Variants in TRMT61A observed in about 807,000 individuals in gnomAD.
The protein encoded by TRMT61A is tRNA methyltransferase 61A.
TRMT61A carries 15 observed loss-of-function variants against 21.3 expected under a neutral mutation model. That is an observed-to-expected ratio of 0.70 (90% CI 0.47 to 1.08). The LOEUF (loss-of-function observed/expected upper bound fraction) is 1.08. Among genes scored for constraint, TRMT61A ranks in the 50% least tolerant of loss-of-function variants. The pLI is 0.00. For missense variants in TRMT61A, 352 were observed against 426.7 expected (o/e 0.83, Z 1.54); for synonymous variants, 183 against 185.5 (o/e 0.99, Z 0.11).
chr14:103,529,643 G>A (rs997814696), intron 1 of TRMT61A, among the ~76,000 whole-genome samples: 1 of 152,258 alleles, frequency 6.6e-6, no homozygotes, highest in African/African-American at 2.4e-5. Flanking sequence ...AAGGGTGATG[G>A]GAGGGTCGGG....
chr14:103,532,054 G>A (rs1489660999), intron 2 of TRMT61A, among the ~76,000 whole-genome samples: 2 of 151,770 alleles, frequency 1.3e-5, no homozygotes, highest in Admixed American at 6.6e-5. Context: ...TGTGGTGGGG[G>A]CAGGTTTGGG....
chr14:103,529,340 C>T, intron 1 of TRMT61A, 79 bp downstream of exon 1: 1 of 197,116 alleles, frequency 5.1e-6, no homozygotes, highest in Non-Finnish European at 1.1e-5. Flanking sequence ...GGGCCTGTCC[C>T]TCCAGCCTCG....
Position 103,536,124 on chromosome 14 carries a change from C to T in TRMT61A, c.*1303C>T, listed in dbSNP as rs1368249439. On this transcript the variant is annotated 3_prime_UTR_variant, in exon 4 of 4. Transcript: ENST00000389749. ...GCCCTACCTGCGCTCTGCCCCTGGT[C>T]CCTGCTCCTCCCTGTCCTGGTTTGG... is the stretch of plus-strand genomic sequence containing the variant. The T allele has an allele frequency of 6.5e-6, 1 of 152,872 alleles. No individual in the cohort carries two copies. The highest frequency in any genetic ancestry group is 1.5e-5 in the Non-Finnish European group (1 of 68,458). The allele number at this position is 152,872 out of a possible 1,614,324, so 9.5% of individuals were successfully genotyped here. A position where few individuals can be genotyped will look rare whatever the true frequency, so the allele number is the denominator to read the frequency against.
intron 3 of TRMT61A, 103 bp downstream of exon 3, chr14:103,532,951 C>A: frequency 1.4e-6 from 2 of 1,413,100 alleles, no homozygotes; most frequent in Admixed American, 2.4e-5. Context: ...CCAAGCCACA[C>A]CATGGCAGTG....
rs2075957641 is a variant in TRMT61A, at chr14:103,532,439, C to T, written c.332-143C>T. ...CTTTAGGCAGCCAGGACCATACAGCCCTGGAATGACGCCCACCTGTAGCTT... is the reference window on the plus strand; with the variant it reads ...CTTTAGGCAGCCAGGACCATACAGCTCTGGAATGACGCCCACCTGTAGCTT... On this transcript the variant is annotated intron_variant, in intron 2 of 3. Coordinates refer to ENST00000389749, the MANE Select transcript of TRMT61A (RefSeq NM_152307.3). 6.8e-6 allele frequency: 7 copies of T among 1,035,204 alleles called. No individual in the cohort carries two copies. The Admixed American group carries it at 1.4e-4, about 21-fold the overall frequency. The allele number at this position is 1,035,204 out of a possible 1,614,324, so 64.1% of individuals were successfully genotyped here. A position where few individuals can be genotyped will look rare whatever the true frequency, so the allele number is the denominator to read the frequency against.
In TRMT61A at chr14:103,531,379, G is replaced by A. The variant is rs1260212351; in HGVS notation, c.331+1070G>A. Among the ~76,000 whole-genome samples, 2 of 152,190 alleles carry A rather than the reference G, an allele frequency of 1.3e-5. No individual in the cohort carries two copies. Among genetic ancestry groups the A allele is most frequent in the Admixed American group, 6.5e-5 (1 of 15,282 alleles). The stretch of plus-strand genomic sequence containing the variant: ...ACATTTGAGTTGAAAATGATGAGGA[G>A]GGACCTACGAAGAGCCAAGGGACAG... On this transcript the variant is annotated intron_variant, in intron 2 of 3. Coordinates refer to ENST00000389749, the MANE Select transcript of TRMT61A (RefSeq NM_152307.3). The surrounding 1 kb of genome is among the most constrained non-coding windows in gnomAD (Gnocchi z 5.1).
intron 3 of TRMT61A, among the ~76,000 whole-genome samples, 162 bp downstream of exon 3, chr14:103,533,010 G>C (rs911555): frequency 0.41 from 62,895 of 152,164 alleles, 13,306 homozygotes; most frequent in East Asian, 0.52. Context: ...GGGTCAGGCT[G>C]GCCAGGGGAG....
rs547612572 is a variant in TRMT61A, at chr14:103,531,564, G to T, written c.332-1018G>T. ...TGACTTGCCCCTTAGTGGGAAGGGG[G>T]CATGGCCAGGCTTTGCAGAGGGGCG... On this transcript the variant is annotated intron_variant, in intron 2 of 3. Transcript: ENST00000389749. This position sits in a 1 kb window ranked among gnomAD's most constrained non-coding sequence, Gnocchi z 5.1. Among the ~76,000 whole-genome samples the T allele has an allele frequency of 6.6e-6, 1 of 152,280 alleles. No homozygotes were observed. Among genetic ancestry groups the T allele is most frequent in the East Asian group, 1.9e-4 (1 of 5,164 alleles).
chr14:103,529,685 C>G (rs567764736), intron 1 of TRMT61A, among the ~76,000 whole-genome samples: 1 of 152,274 alleles, frequency 6.6e-6, no homozygotes, highest in Non-Finnish European at 1.5e-5. Flanking sequence ...GGACCGAACT[C>G]CGCCATTGCC....
chr14:103,532,935 C>A, intron 3 of TRMT61A, 87 bp downstream of exon 3: 1 of 1,457,472 alleles, frequency 6.9e-7, no homozygotes, highest in Non-Finnish European at 9.1e-7. Flanking sequence ...CAGAGGGGTC[C>A]AGAGACCAAG....
In TRMT61A at chr14:103,530,055, TGGCG is replaced by T. The variant is rs749324654; in HGVS notation, c.79_82del (p.Ala27CysfsTer31). 2 of 1,613,064 alleles carry T rather than the reference TGGCG, an allele frequency of 1.2e-6. No homozygotes were observed. The highest frequency in any genetic ancestry group is 4.5e-5 in the East Asian group (2 of 44,884). ...CTGTCACTGGGCCATGGTGCAATGG[TGGCG>T]GTGCGTGTGCAGCGTGGGGCACAGA... On this transcript the variant is annotated frameshift_variant, in exon 2 of 4. Transcript: ENST00000389749. LOFTEE classifies it high-confidence loss of function.
chr14:103,529,538 A>C (rs1215934418), intron 1 of TRMT61A, among the ~76,000 whole-genome samples: 4 of 152,142 alleles, frequency 2.6e-5, no homozygotes, highest in Admixed American at 2.6e-4. Flanking sequence ...CTTGGAGGTG[A>C]CCTCATTGAC....
In TRMT61A at chr14:103,530,154, C is replaced by T. The variant is rs1240239856; in HGVS notation, c.176C>T (p.Thr59Met). The T allele has an allele frequency of 1.2e-6, 2 of 1,612,662 alleles. No homozygotes were observed. Among genetic ancestry groups the T allele is most frequent in the Non-Finnish European group, 1.7e-6 (2 of 1,179,996 alleles). The change falls in exon 2 of 4, where the codon ACG becomes ATG. Residue 59 changes from threonine to methionine, a missense_variant. Transcript: ENST00000389749. Reference sequence around the variant, plus strand: ...GGCCGCCCCTTCGGCTCCAAGGTGACGTGCGGCCGAGGTGGCTGGGTGTAT... The same window carrying T: ...GGCCGCCCCTTCGGCTCCAAGGTGATGTGCGGCCGAGGTGGCTGGGTGTAT... Reference protein sequence around the residue: ...LIGRPFGSKVTCGRGGWVYVL... With the variant: ...LIGRPFGSKVMCGRGGWVYVL...
chr14:103,535,050 T>C lies in TRMT61A; in HGVS notation c.*229T>C, dbSNP rs1249434442. On this transcript the variant is annotated 3_prime_UTR_variant, in exon 4 of 4. Transcript: ENST00000389749. Reference sequence around the variant, plus strand: ...GTCCAGCCCTGTGGCCCATCCCAGCTGCTGTTTGTTGCCAATATGAAGTAT... The same window carrying C: ...GTCCAGCCCTGTGGCCCATCCCAGCCGCTGTTTGTTGCCAATATGAAGTAT... The C allele has an allele frequency of 1.4e-6, 1 of 708,488 alleles. No individual in the cohort carries two copies. Among genetic ancestry groups the C allele is most frequent in the African/African-American group, 1.7e-5 (1 of 57,382 alleles). The allele number at this position is 708,488 out of a possible 1,614,324, so 43.9% of individuals were successfully genotyped here. A position where few individuals can be genotyped will look rare whatever the true frequency, so the allele number is the denominator to read the frequency against.
chr14:103,534,319 G>T (rs957467756), intron 3 of TRMT61A, among the ~76,000 whole-genome samples: 3 of 152,224 alleles, frequency 2.0e-5, no homozygotes, highest in Non-Finnish European at 2.9e-5. Flanking sequence ...GGAGGGCCTG[G>T]CATGGCTAAG....
Position 103,529,212 on chromosome 14 carries a change from C to A in TRMT61A, c.-79C>A. ...GCCGGAAGTGTTGTGGCCGCCGCCG[C>A]CGCGCGTCGCGGAGGCACGTGTGGA... On this transcript the variant is annotated 5_prime_UTR_variant, in exon 1 of 4. Transcript: ENST00000389749. 1 of 290,832 alleles carries A rather than the reference C, an allele frequency of 3.4e-6. No homozygotes were observed. The highest frequency in any genetic ancestry group is 7.0e-6 in the Non-Finnish European group (1 of 142,620). The allele number at this position is 290,832 out of a possible 1,614,324, so 18.0% of individuals were successfully genotyped here. A position where few individuals can be genotyped will look rare whatever the true frequency, so the allele number is the denominator to read the frequency against.
At chr14:103,534,475 T>G in intron 3 of TRMT61A, 75 bp from the exon 4 acceptor site, 1 of 1,485,218 alleles carries the variant, frequency 6.7e-7, no homozygotes, top group Non-Finnish European at 9.0e-7. Flanking sequence ...AGGGTGGGAG[T>G]CCAGGGATGC....
At position 103,535,000 on chromosome 14, in the gene TRMT61A, C is replaced by A; in HGVS notation, c.*179C>A. 1.3e-6 allele frequency: 1 copy of A among 798,212 alleles called. No homozygotes were observed. Among genetic ancestry groups the A allele is most frequent in the Non-Finnish European group, 2.1e-6 (1 of 473,272 alleles). 49.4% of individuals were successfully genotyped at this position (798,212 alleles called of 1,614,324 possible). On this transcript the variant is annotated 3_prime_UTR_variant, in exon 4 of 4. Coordinates refer to ENST00000389749, the MANE Select transcript of TRMT61A (RefSeq NM_152307.3). ...GGGCGGCTGTGATGGAGGAGCAGTG[C>A]TGGGGCTGGGCCTCAGCCATTCCTG... is the stretch of plus-strand genomic sequence containing the variant.
At chr14:103,533,638 C>G (rs1472252039) in intron 3 of TRMT61A, among the ~76,000 whole-genome samples, 1 of 152,204 alleles carries the variant, frequency 6.6e-6, no homozygotes, top group Non-Finnish European at 1.5e-5. Flanking sequence ...CTGGGGCCCC[C>G]CTGCTGCCTT....
Sources: gnomAD v4.1 joint callset for allele counts (sites outside exome capture counted in the v4.1 genomes callset) on GRCh38, gnomAD v4.1.1 for gene constraint, Gnocchi (gnomAD v3.1) non-coding constraint, MANE v1.5 for transcripts, NCBI Gene and HGNC (gene_info 2026-07-23, HGNC 2026-07-21) for gene names.